The following CDKL2 variants were observed in gnomAD, a reference collection of about 807,000 sequenced individuals.
CDKL2 encodes cyclin-dependent kinase-like 2.
Under a neutral mutation model 63.9 loss-of-function variants are expected in CDKL2, and 64 were observed. That is an observed-to-expected ratio of 1.00 (90% CI 0.82 to 1.23). CDKL2 has a LOEUF of 1.23. CDKL2 is among the 50% of genes most tolerant of loss of function. The pLI, the probability that CDKL2 is intolerant of heterozygous loss-of-function variation, is 0.00. For missense variants in CDKL2, 656 were observed against 668.0 expected, an observed-to-expected ratio of 0.98 and a Z score of 0.20; for synonymous variants, 211 against 229.2, an observed-to-expected ratio of 0.92 and a Z score of 0.72.
At chr4:75,584,382 A>G (rs1015592358) in intron 12 of CDKL2, among the ~76,000 whole-genome samples, 3 of 152,146 alleles carry the variant, frequency 2.0e-5, no homozygotes, top group Admixed American at 1.3e-4. Context: ...CTGCCCTACA[A>G]CCATATGGAA....
chr4:75,589,077 T>A (rs921533615), intron 12 of CDKL2, among the ~76,000 whole-genome samples: 4 of 152,158 alleles, frequency 2.6e-5, no homozygotes, highest in African/African-American at 9.7e-5. Flanking sequence ...GATATACAGC[T>A]CTCTCATGTG....
chr4:75,628,278 G>A (rs1730525082), intron 1 of CDKL2, among the ~76,000 whole-genome samples: 1 of 151,966 alleles, frequency 6.6e-6, no homozygotes, highest in Non-Finnish European at 1.5e-5. Context: ...ACCACGCCCA[G>A]CTAACTTTTT....
chr4:75,620,478 T>A (rs1337408198), intron 2 of CDKL2, among the ~76,000 whole-genome samples: 1 of 152,202 alleles, frequency 6.6e-6, no homozygotes, highest in African/African-American at 2.4e-5. Flanking sequence ...AAAAGTATAA[T>A]TACTTTTGTT....
At chr4:75,591,668 C>A in intron 12 of CDKL2, 151 bp downstream of exon 12, 1 of 561,196 alleles carries the variant, frequency 1.8e-6, no homozygotes, top group Non-Finnish European at 3.1e-6. Flanking sequence ...GTACTAAGTG[C>A]AATGAATCAA....
At chr4:75,600,451 T>C in intron 6 of CDKL2, 82 bp from the exon 7 acceptor site, 1 of 948,230 alleles carries the variant, frequency 1.1e-6, no homozygotes, top group South Asian at 1.6e-5. Context: ...AAAAATCCTC[T>C]TTATAGTCAA....
rs747587721 is a variant in CDKL2 at position 75,629,938 on chromosome 4, C to CA, written c.-30+103dup. 33 of 74,198 alleles carry CA rather than the reference C, an allele frequency of 4.4e-4. 3 individuals are homozygous for CA. Among genetic ancestry groups the CA allele is most frequent in the East Asian group, 9.2e-4 (1 of 1,086 alleles). 4.6% of individuals were successfully genotyped at this position (74,198 alleles called of 1,614,324 possible). On this transcript the variant is annotated intron_variant, in intron 1 of 13. Coordinates refer to ENST00000307465, the MANE Select transcript of CDKL2 (RefSeq NM_001330724.2). ...GGGCAACAAGAGTGAAACTCCGTCT[C>CA]AAAAAAAAAAAAAAAAAAAAAAAAA...
chr4:75,577,328 T>C lies in CDKL2; in HGVS notation c.*1874A>G, dbSNP rs1215572369. ...TGTTGATTACATCAACAAGAATCACTGAAACCAATTTGCAGAATCTTTTTC... is the reference window on the plus strand; with the variant it reads ...TGTTGATTACATCAACAAGAATCACCGAAACCAATTTGCAGAATCTTTTTC... On this transcript the variant is annotated 3_prime_UTR_variant, in exon 14 of 14. Coordinates refer to ENST00000307465, the MANE Select transcript of CDKL2 (RefSeq NM_001330724.2). Among the ~76,000 whole-genome samples, 1 of 152,172 alleles carries C rather than the reference T, an allele frequency of 6.6e-6. No homozygotes were observed. Among genetic ancestry groups the C allele is most frequent in the East Asian group, 1.9e-4 (1 of 5,192 alleles).
intron 12 of CDKL2, 39 bp downstream of exon 12, chr4:75,591,780 A>G: frequency 7.5e-7 from 1 of 1,340,642 alleles, no homozygotes; most frequent in Non-Finnish European, 1.0e-6. Flanking sequence ...TAAGAGAGAG[A>G]CCCGAGTTCT....
Position 75,629,916 on chromosome 4 carries a change from C to A in CDKL2, c.-30+126G>T, listed in dbSNP as rs1185340199. 2.6e-5 allele frequency: 3 copies of A among 115,186 alleles called. No homozygotes were observed. The Admixed American group carries it at 3.1e-4, about 12-fold the overall frequency. 7.1% of individuals were successfully genotyped at this position (115,186 alleles called of 1,614,324 possible). A position where few individuals can be genotyped will look rare whatever the true frequency, so the allele number is the denominator to read the frequency against. ...CCATGCCATTGCACTCCAGCCTGGG[C>A]AACAAGAGTGAAACTCCGTCTCAAA... On this transcript the variant is annotated intron_variant, in intron 1 of 13. Coordinates refer to ENST00000307465, the MANE Select transcript of CDKL2 (RefSeq NM_001330724.2).
chr4:75,604,957 C>T (rs1471605626), intron 5 of CDKL2, among the ~76,000 whole-genome samples: 1 of 151,896 alleles, frequency 6.6e-6, no homozygotes, highest in Non-Finnish European at 1.5e-5. Context: ...GCCAAGATTG[C>T]CACTGCACCC....
chr4:75,581,964 T>A, intron 12 of CDKL2, 66 bp from the exon 13 acceptor site: 2 of 1,020,002 alleles, frequency 2.0e-6, no homozygotes, highest in East Asian at 4.9e-5. Flanking sequence ...CCCCAAAATT[T>A]CAATTCTATT....
chr4:75,598,565 C>A (rs1291013071), intron 7 of CDKL2, among the ~76,000 whole-genome samples: 1 of 148,978 alleles, frequency 6.7e-6, no homozygotes, highest in Non-Finnish European at 1.5e-5. Context: ...TCTTGATAAC[C>A]ACACATTCTC....
In CDKL2 at chr4:75,581,896, T is replaced by C. The variant is rs1342967325; in HGVS notation, c.1650A>G (p.Val550=). Reference sequence around the variant, plus strand: ...AATCATCTGACAGGGGAGGTCCTGATACCTATAAATTAATAATAGAGCATC... The same window carrying C: ...AATCATCTGACAGGGGAGGTCCTGACACCTATAAATTAATAATAGAGCATC... ...LHTPSITLHQ[V]SGPPLSDDSG... The change falls in exon 13 of 14, where the codon GTA becomes GTG. Residue 550 remains valine, a splice_region_variant and synonymous_variant. Coordinates refer to ENST00000307465, the MANE Select transcript of CDKL2 (RefSeq NM_001330724.2). 4.4e-6 allele frequency: 7 copies of C among 1,606,108 alleles called. No individual in the cohort carries two copies. The highest frequency in any genetic ancestry group is 1.7e-5 in the Admixed American group (1 of 59,882).
chr4:75,625,926 A>G lies in CDKL2; in HGVS notation c.63T>C (p.Cys21=), dbSNP rs552172199. The change falls in exon 2 of 14, where the codon TGT becomes TGC. Residue 21 remains cysteine (C), a synonymous_variant. Transcript: ENST00000307465. ...GEGSYGMVMK[C]RNKDTGRIVA... ...CAATTCTTCCAGTATCTTTATTCCTACACTTCATCACCATTCCATAACTCC... is the reference window on the plus strand; with the variant it reads ...CAATTCTTCCAGTATCTTTATTCCTGCACTTCATCACCATTCCATAACTCC... 1.9e-6 allele frequency: 3 copies of G among 1,612,712 alleles called. 1 individual carries two copies. Among genetic ancestry groups the G allele is most frequent in the Middle Eastern group, 3.3e-4 (2 of 6,058 alleles).
At chr4:75,599,650 G>A (rs1353196062) in intron 7 of CDKL2, among the ~76,000 whole-genome samples, 2 of 150,770 alleles carry the variant, frequency 1.3e-5, no homozygotes, top group Admixed American at 6.6e-5. Flanking sequence ...ATCTACTTAC[G>A]TGAGGCCAGA....
intron 2 of CDKL2, among the ~76,000 whole-genome samples, chr4:75,621,897 C>T (rs1052857768): frequency 3.3e-5 from 5 of 152,156 alleles, no homozygotes; most frequent in South Asian, 2.1e-4. Context: ...TTAGGTATAT[C>T]CTAATAACTG....
At chr4:75,604,776 G>A (rs965760245) in intron 5 of CDKL2, among the ~76,000 whole-genome samples, 5 of 152,224 alleles carry the variant, frequency 3.3e-5, no homozygotes, top group African/African-American at 9.6e-5. Context: ...TAAAAGTACA[G>A]AGAAATGCAC....
At chr4:75,593,921 C>G (rs999671613) in intron 10 of CDKL2, among the ~76,000 whole-genome samples, 2 of 151,954 alleles carry the variant, frequency 1.3e-5, no homozygotes, top group Non-Finnish European at 2.9e-5. Context: ...ACATCCATAC[C>G]TCCCTTTGTT....
chr4:75,619,913 G>A (rs1439066216), intron 2 of CDKL2, among the ~76,000 whole-genome samples: 1 of 152,146 alleles, frequency 6.6e-6, no homozygotes, highest in African/African-American at 2.4e-5. Context: ...GGACAGGCGT[G>A]GTGGCTCCCG....
Sources: gnomAD v4.1 joint callset for allele counts (sites outside exome capture counted in the v4.1 genomes callset) on GRCh38, gnomAD v4.1.1 for gene constraint, MANE v1.5 for transcripts, NCBI Gene and HGNC (gene_info 2026-07-23, HGNC 2026-07-21) for gene names.